MALRD1: variants seen among roughly 807,000 people sequenced by gnomAD.
The protein encoded by MALRD1 is MAM and LDL receptor class A domain containing 1.
Under a neutral mutation model 242.1 loss-of-function variants are expected in MALRD1, and 247 were observed. The ratio of observed to expected loss-of-function variants is 1.02; its 90% CI spans 0.92 to 1.13. The LOEUF (loss-of-function observed/expected upper bound fraction) is 1.13, where lower values mean the gene tolerates loss of function less well. Among genes scored for constraint, MALRD1 ranks in the 50% most tolerant of loss-of-function variants. The pLI, the probability that MALRD1 is intolerant of heterozygous loss-of-function variation, is 0.00. For synonymous variants in MALRD1, 995 were observed against 866.6 expected (o/e 1.15, Z -2.60); for missense variants, 2,989 against 2,533.1 (o/e 1.18, Z -3.86).
chr10:19,124,995 G>A (rs926009534), intron 7 of MALRD1, among the ~76,000 whole-genome samples: 1 of 115,364 alleles, frequency 8.7e-6, no homozygotes, highest in Non-Finnish European at 1.6e-5. Context: ...ACCCAGGCTG[G>A]AATGCAGTGG....
chr10:19,144,521 C>T (rs1833664331), intron 10 of MALRD1, among the ~76,000 whole-genome samples: 1 of 152,162 alleles, frequency 6.6e-6, no homozygotes, highest in Non-Finnish European at 1.5e-5. Context: ...AATCAGGTGT[C>T]CCTATTACAG....
intron 28 of MALRD1, among the ~76,000 whole-genome samples, chr10:19,407,540 C>A (rs1833087283): frequency 6.6e-6 from 1 of 151,662 alleles, no homozygotes; most frequent in Non-Finnish European, 1.5e-5. Context: ...AAAGCATAGA[C>A]AAATTGACAA....
At chr10:19,140,083 ATATT>A (rs1428497680) in intron 10 of MALRD1, among the ~76,000 whole-genome samples, 1 of 152,230 alleles carries the variant, frequency 6.6e-6, no homozygotes, top group African/African-American at 2.4e-5. Context: ...TATTAACACA[ATATT>A]TATAATATAA....
At chr10:19,673,948 C>A (rs769273111) in intron 36 of MALRD1, among the ~76,000 whole-genome samples, 4 of 151,554 alleles carry the variant, frequency 2.6e-5, no homozygotes, top group Non-Finnish European at 5.9e-5. Context: ...TGTGTGTGTG[C>A]ATAAGGTTTG....
At chr10:19,275,434 C>T (rs1044988106) in intron 19 of MALRD1, among the ~76,000 whole-genome samples, 1 of 152,028 alleles carries the variant, frequency 6.6e-6, no homozygotes, top group Admixed American at 6.6e-5. Flanking sequence ...TTTGGGAGGC[C>T]AAGGCGGGCA....
At position 19,171,660 on chromosome 10, in the gene MALRD1, A is replaced by ATG. The variant is rs1834963270; in HGVS notation, c.1831-3542_1831-3541dup. Reference sequence around the variant, plus strand: ...AATACACACACACATATATATGTCTATGTGTGTATATAAATACACACATAT... The same window carrying ATG: ...AATACACACACACATATATATGTCTATGTGTGTGTATATAAATACACACATAT... On this transcript the variant is annotated intron_variant, in intron 13 of 39. Coordinates refer to ENST00000454679, the MANE Select transcript of MALRD1 (RefSeq NM_001142308.3). 2.1e-5 allele frequency among the ~76,000 whole-genome samples: 3 copies of ATG among 143,782 alleles called. 1 individual carries two copies. The highest frequency in any genetic ancestry group is 3.0e-5 in the Non-Finnish European group (2 of 65,678). The allele number at this position is 143,782 out of a possible 152,430, so 94.3% of individuals were successfully genotyped here.
intron 28 of MALRD1, among the ~76,000 whole-genome samples, chr10:19,426,328 A>G (rs9888028): frequency 0.29 from 44,374 of 152,062 alleles, 8,469 homozygotes; most frequent in African/African-American, 0.55. Context: ...ATATAGATGA[A>G]TGGAGTTTGA....
intron 21 of MALRD1, among the ~76,000 whole-genome samples, chr10:19,307,523 C>T (rs564423086): frequency 8.6e-5 from 13 of 151,502 alleles, no homozygotes; most frequent in Middle Eastern, 3.4e-3. Context: ...ATATATAACT[C>T]GGGGTGTGGA....
At chr10:19,676,788 T>C (rs7923533) in intron 36 of MALRD1, among the ~76,000 whole-genome samples, 18,160 of 152,166 alleles carry the variant, frequency 0.12, 1,836 homozygotes, top group African/African-American at 0.28. Context: ...GTATTAAGCC[T>C]GGCATGCGTT....
intron 1 of MALRD1, chr10:19,051,471 G>A (rs1443916426): frequency 1.1e-5 from 2 of 183,616 alleles, no homozygotes; most frequent in Non-Finnish European, 2.4e-5. Flanking sequence ...GCCACCACAG[G>A]CTTGGGAGTA....
At chr10:19,338,060 CA>C (rs34978144) in intron 24 of MALRD1, among the ~76,000 whole-genome samples, 76,537 of 137,786 alleles carry the variant, frequency 0.56, 20,141 homozygotes, top group Middle Eastern at 0.6. Flanking sequence ...GATTCTGTCT[CA>C]AAAAAAAAAA....
chr10:19,529,998 C>G (rs904130165), intron 31 of MALRD1, among the ~76,000 whole-genome samples: 1 of 151,928 alleles, frequency 6.6e-6, no homozygotes, highest in Non-Finnish European at 1.5e-5. Flanking sequence ...TGTATAAATT[C>G]AATGCAATTC....
intron 33 of MALRD1, 64 bp from the exon 34 acceptor site, chr10:19,595,130 T>C (rs1838012438): frequency 2.8e-6 from 4 of 1,454,466 alleles, no homozygotes; most frequent in Middle Eastern, 4.5e-4. Context: ...ACCTGTAATG[T>C]CCCAACACTG....
At chr10:19,055,734 A>T (rs768437268) in intron 1 of MALRD1, among the ~76,000 whole-genome samples, 1 of 152,172 alleles carries the variant, frequency 6.6e-6, no homozygotes, top group Non-Finnish European at 1.5e-5. Context: ...GTTGATAGAC[A>T]CTTAATACAG....
At chr10:19,267,485 G>A (rs1051089537) in intron 19 of MALRD1, among the ~76,000 whole-genome samples, 3 of 151,628 alleles carry the variant, frequency 2.0e-5, no homozygotes, top group African/African-American at 4.8e-5. Flanking sequence ...ATCCCTTCTC[G>A]TTAGCCTCAG....
intron 23 of MALRD1, 100 bp from the exon 24 acceptor site, chr10:19,331,269 C>G (rs1037035838): frequency 1.9e-6 from 2 of 1,033,490 alleles, no homozygotes; most frequent in Non-Finnish European, 2.8e-6. Context: ...AAACAAACAA[C>G]AAAAAACAGA....
chr10:19,382,228 T>C (rs1365108063), intron 26 of MALRD1, among the ~76,000 whole-genome samples: 1 of 152,170 alleles, frequency 6.6e-6, no homozygotes, highest in Non-Finnish European at 1.5e-5. Flanking sequence ...TTGATGTCTT[T>C]TCCTGAATAC....
At chr10:19,195,220 A>G (rs1157557574) in intron 14 of MALRD1, among the ~76,000 whole-genome samples, 1 of 152,226 alleles carries the variant, frequency 6.6e-6, no homozygotes, top group African/African-American at 2.4e-5. Context: ...AATGGGGATT[A>G]CTAAAAGCAA....
intron 38 of MALRD1, among the ~76,000 whole-genome samples, chr10:19,693,524 T>G (rs1232696808): frequency 6.6e-6 from 1 of 152,136 alleles, no homozygotes; most frequent in Admixed American, 6.5e-5. Flanking sequence ...ACAAGGGATG[T>G]GAAGGACCTC....
Sources: gnomAD v4.1 joint callset for allele counts (sites outside exome capture counted in the v4.1 genomes callset) on GRCh38, gnomAD v4.1.1 for gene constraint, MANE v1.5 for transcripts, NCBI Gene and HGNC (gene_info 2026-07-23, HGNC 2026-07-21) for gene names.